Variants in ZDHHC8 observed in about 807,000 individuals in gnomAD.
ZDHHC8 encodes the protein palmitoyltransferase ZDHHC8.
ZDHHC8 carries 24 observed loss-of-function variants against 61.2 expected under a neutral mutation model. The ratio of observed to expected loss-of-function variants is 0.39; its 90% CI spans 0.28 to 0.55. ZDHHC8 has a LOEUF of 0.55. ZDHHC8 is among the 20% of genes least tolerant of loss of function. The pLI is 0.60. For synonymous variants in ZDHHC8, 523 were observed against 492.5 expected, an observed-to-expected ratio of 1.06 and a Z score of -0.82; for missense variants, 935 against 1,102.1, an observed-to-expected ratio of 0.85 and a Z score of 2.15.
rs1333817066 is a variant in ZDHHC8, at chr22:20,147,166, C to A, written c.*1766C>A. 1 of 1,531,004 alleles carries A rather than the reference C, an allele frequency of 6.5e-7. No homozygotes were observed. The highest frequency in any genetic ancestry group is 2.5e-5 in the East Asian group (1 of 39,416). 94.8% of individuals were successfully genotyped at this position (1,531,004 alleles called of 1,614,324 possible). ...GAGCCAGGCCGCCGGGGCACCCCCA[C>A]GCGGGGCCATGTGCCGCCTGCACTT... On this transcript the variant is annotated 3_prime_UTR_variant, in exon 11 of 11. Coordinates refer to ENST00000334554, the MANE Select transcript of ZDHHC8 (RefSeq NM_013373.4).
rs1448621873 is a variant in ZDHHC8, at chr22:20,143,309, A to G, written c.1679A>G (p.Glu560Gly). The change falls in exon 10 of 11, where the codon GAG becomes GGG. Residue 560 changes from glutamate to glycine, a missense_variant. Coordinates refer to ENST00000334554, the MANE Select transcript of ZDHHC8 (RefSeq NM_013373.4). ...ATCCAGGAGCGCAAGGACAGGGAGG[A>G]GCGTGAGCGCCTGCTGCGCTCCCAG... ...ASIQERKDRE[E>G]RERLLRSQAD... The G allele has an allele frequency of 3.1e-6, 5 of 1,599,768 alleles. No homozygotes were observed. Among genetic ancestry groups the G allele is most frequent in the Non-Finnish European group, 4.3e-6 (5 of 1,176,244 alleles).
In ZDHHC8 at chr22:20,139,506, C is replaced by T; in HGVS notation, c.255C>T (p.Asp85=). 6.2e-7 allele frequency: 1 copy of T among 1,613,682 alleles called. No homozygotes were observed. The highest frequency in any genetic ancestry group is 8.5e-7 in the Non-Finnish European group (1 of 1,180,004). ...ATGAGGATGAGGACAAGGAGGACGA[C>T]TTCCGGGCTCCGCTGTACAAGAACG... The part of the protein sequence containing the change: ...RADEDEDKED[D]FRAPLYKNVD... The change falls in exon 3 of 11, where the codon GAC becomes GAT. Residue 85 remains aspartate (D), a synonymous_variant. Transcript: ENST00000334554.
rs2050517583 is a variant in ZDHHC8 at position 20,145,838 on chromosome 22, C to A, written c.*438C>A. On this transcript the variant is annotated 3_prime_UTR_variant, in exon 11 of 11. Transcript: ENST00000334554. ...GCCCCCACCGTCCTTCTGACACAGC[C>A]TGTGGGCTCCCGGACCGAGTGTCCC... The A allele has an allele frequency of 2.0e-6, 2 of 987,254 alleles. No homozygotes were observed. Among genetic ancestry groups the A allele is most frequent in the Non-Finnish European group, 2.4e-6 (2 of 831,136 alleles). 61.2% of individuals were successfully genotyped at this position (987,254 alleles called of 1,614,324 possible).
chr22:20,144,269 G>A (rs2050502231), intron 10 of ZDHHC8, among the ~76,000 whole-genome samples: 1 of 152,198 alleles, frequency 6.6e-6, no homozygotes, highest in African/African-American at 2.4e-5. Context: ...GTTCTAGGAA[G>A]CAGGGGCTTC....
At position 20,146,649 on chromosome 22, in the gene ZDHHC8, C is replaced by G; in HGVS notation, c.*1249C>G. ...AGAGGGGGCGGCCGATGGTCTGTGG[C>G]TGGGAAGTGTGAGGGTCTCTCGCCT... On this transcript the variant is annotated 3_prime_UTR_variant, in exon 11 of 11. Coordinates refer to ENST00000334554, the MANE Select transcript of ZDHHC8 (RefSeq NM_013373.4). 2.0e-6 allele frequency: 2 copies of G among 1,020,752 alleles called. No individual in the cohort carries two copies. Among genetic ancestry groups the G allele is most frequent in the Non-Finnish European group, 2.3e-6 (2 of 853,560 alleles). 63.2% of individuals were successfully genotyped at this position (1,020,752 alleles called of 1,614,324 possible). A position where few individuals can be genotyped will look rare whatever the true frequency, so the allele number is the denominator to read the frequency against.
At position 20,143,241 on chromosome 22, in the gene ZDHHC8, G is replaced by A. The variant is rs772033441; in HGVS notation, c.1611G>A (p.Ser537=). 1.0e-5 allele frequency: 16 copies of A among 1,606,618 alleles called. No individual in the cohort carries two copies. The East Asian group carries it at 1.8e-4, about 18-fold the overall frequency. The part of the protein sequence containing the change: ...PVLGPRPREP[S]PVRYDNLSRT... Reference sequence around the variant, plus strand: ...TGGGCCCCCGCCCCCGGGAGCCCTCGCCTGTGCGCTACGACAACCTGTCCA... The same window carrying A: ...TGGGCCCCCGCCCCCGGGAGCCCTCACCTGTGCGCTACGACAACCTGTCCA... Residue 537 remains serine (S), a synonymous_variant, in exon 10 of 11, where the codon TCG becomes TCA. Transcript: ENST00000334554.
chr22:20,146,223 C>A lies in ZDHHC8; in HGVS notation c.*823C>A. 4 of 985,568 alleles carry A rather than the reference C, an allele frequency of 4.1e-6. No homozygotes were observed. The highest frequency in any genetic ancestry group is 3.6e-6 in the Non-Finnish European group (3 of 829,944). The allele number at this position is 985,568 out of a possible 1,614,324, so 61.1% of individuals were successfully genotyped here. Reference sequence around the variant, plus strand: ...CAGAGCCCCCTCCCCAGCCCTCAGGCCCTCCCTGCCAAACTGGAGAACCCC... The same window carrying A: ...CAGAGCCCCCTCCCCAGCCCTCAGGACCTCCCTGCCAAACTGGAGAACCCC... On this transcript the variant is annotated 3_prime_UTR_variant, in exon 11 of 11. Coordinates refer to ENST00000334554, the MANE Select transcript of ZDHHC8 (RefSeq NM_013373.4).
At chr22:20,144,525 C>G (rs1159149928) in intron 10 of ZDHHC8, among the ~76,000 whole-genome samples, 1 of 152,356 alleles carries the variant, frequency 6.6e-6, no homozygotes, top group East Asian at 1.9e-4. Flanking sequence ...AGATGCAGCC[C>G]CAGAGGGAGA....
rs752668666 is a variant in ZDHHC8, at chr22:20,140,958, G to A, written c.840G>A (p.Pro280=). 1.6e-5 allele frequency: 26 copies of A among 1,610,460 alleles called. No individual in the cohort carries two copies. Among genetic ancestry groups the A allele is most frequent in the Non-Finnish European group, 2.0e-5 (24 of 1,179,982 alleles). Residue 280 remains proline (P), a synonymous_variant, in exon 7 of 11, where the codon CCG becomes CCA. Transcript: ENST00000334554. ...LRPELLDRAA[P]LKVKLSDNGL... is the part of the protein sequence containing the mutation. Reference sequence around the variant, plus strand: ...CTGAACTCCTGGACCGAGCTGCACCGCTCAAGGTCAAGCTTAGTGACAACG... The same window carrying A: ...CTGAACTCCTGGACCGAGCTGCACCACTCAAGGTCAAGCTTAGTGACAACG...
chr22:20,133,859 C>T (rs1022596296), intron 1 of ZDHHC8, among the ~76,000 whole-genome samples: 2 of 152,208 alleles, frequency 1.3e-5, no homozygotes, highest in Non-Finnish European at 2.9e-5. Context: ...TTCCTGGCGC[C>T]GCGTCTGCAG....
In ZDHHC8 at chr22:20,143,638, C is replaced by T. The variant is rs374385561; in HGVS notation, c.2008C>T (p.Arg670Cys). 21 of 1,606,034 alleles carry T rather than the reference C, an allele frequency of 1.3e-5. 1 individual carries two copies. In the Admixed American group the frequency reaches 1.5e-4, roughly 12 times the overall value. Residue 670 changes from arginine (R) to cysteine (C), a missense_variant, in exon 10 of 11, where the codon CGC becomes TGC. This residue lies in a region of ZDHHC8 where 692 missense variants were observed against 731.4 expected (regional missense o/e 0.95). Transcript: ENST00000334554. ...CAGTGGCTCACACAGGTCACCTGCA[C>T]GCCAGGGCCTGCCCTCCCCGCCCGG... ...PSSGSHRSPA[R>C]QGLPSPPGTP...
intron 1 of ZDHHC8, among the ~76,000 whole-genome samples, chr22:20,138,690 G>A (rs1473502298): frequency 6.6e-6 from 1 of 152,166 alleles, no homozygotes; most frequent in Non-Finnish European, 1.5e-5. Context: ...ATGGGGATGT[G>A]CCTGACTGGG....
chr22:20,141,399 T>C lies in ZDHHC8; in HGVS notation c.1016-22T>C. 3 of 1,612,462 alleles carry C rather than the reference T, an allele frequency of 1.9e-6. No individual in the cohort carries two copies. The East Asian group carries it at 6.7e-5, about 36-fold the overall frequency. ...GGTTGACCCTCCTCTGACCTCAGTC[T>C]GACAGTGGTCTGCATCCCCAGAGAG... is the stretch of plus-strand genomic sequence containing the variant. On this transcript the variant is annotated intron_variant, in intron 8 of 10. Coordinates refer to ENST00000334554, the MANE Select transcript of ZDHHC8 (RefSeq NM_013373.4).
chr22:20,136,232 C>T (rs931550918), intron 1 of ZDHHC8, among the ~76,000 whole-genome samples: 22 of 152,220 alleles, frequency 1.4e-4, no homozygotes, highest in Non-Finnish European at 2.6e-4. Flanking sequence ...CCTGGCCCTC[C>T]GGCAGGCGAG....
rs2050463976 is a variant in ZDHHC8 at position 20,140,984 on chromosome 22, G to A, written c.866G>A (p.Gly289Glu). Residue 289 changes from glycine (G) to glutamate (E), a missense_variant, in exon 7 of 11, where the codon GGG becomes GAG. Coordinates refer to ENST00000334554, the MANE Select transcript of ZDHHC8 (RefSeq NM_013373.4). ...CTCAAGGTCAAGCTTAGTGACAACG[G>A]GCTGAAGGCTGGCCTGGGCCGTAGC... ...APLKVKLSDN[G>E]LKAGLGRSKS... 6.2e-7 allele frequency: 1 copy of A among 1,611,264 alleles called. No individual in the cohort carries two copies. The highest frequency in any genetic ancestry group is 1.3e-5 in the African/African-American group (1 of 75,070).
chr22:20,145,123 A>T, intron 10 of ZDHHC8, 106 bp from the exon 11 acceptor site: 1 of 1,088,204 alleles, frequency 9.2e-7, no homozygotes, highest in Non-Finnish European at 1.3e-6. Context: ...ACTCGGCTGC[A>T]CTAGTCCACG....
At chr22:20,137,619 C>T (rs2050432674) in intron 1 of ZDHHC8, among the ~76,000 whole-genome samples, 1 of 152,262 alleles carries the variant, frequency 6.6e-6, no homozygotes, top group Admixed American at 6.5e-5. Context: ...TTTCATTTTG[C>T]ACAGACTATG....
intron 1 of ZDHHC8, among the ~76,000 whole-genome samples, chr22:20,137,045 G>A (rs1018664477): frequency 6.6e-6 from 1 of 152,226 alleles, no homozygotes; most frequent in Non-Finnish European, 1.5e-5. Flanking sequence ...CACTCTGGAG[G>A]ACTGGAGGAG....
Position 20,146,111 on chromosome 22 carries a change from C to T in ZDHHC8, c.*711C>T. ...CTGTCCCTTTCATCAAAGCCTTAAC[C>T]TTTGCTTTATGCTCTTGTGGGAGGC... On this transcript the variant is annotated 3_prime_UTR_variant, in exon 11 of 11. Coordinates refer to ENST00000334554, the MANE Select transcript of ZDHHC8 (RefSeq NM_013373.4). The T allele has an allele frequency of 1.0e-6, 1 of 985,816 alleles. No homozygotes were observed. The highest frequency in any genetic ancestry group is 4.7e-5 in the South Asian group (1 of 21,292). The allele number at this position is 985,816 out of a possible 1,614,324, so 61.1% of individuals were successfully genotyped here.
Sources: allele counts gnomAD v4.1 joint callset (sites outside exome capture counted in the v4.1 genomes callset), GRCh38; gene constraint gnomAD v4.1.1; regional missense constraint gnomAD v4.1.1; transcripts MANE v1.5; gene names NCBI Gene and HGNC (gene_info 2026-07-23, HGNC 2026-07-21).